CSTPP1: variants seen among roughly 807,000 people sequenced by gnomAD.
CSTPP1 encodes centriolar satellite-associated tubulin polyglutamylase complex regulator 1.
chr11:47,122,069 C>CA, the CSTPP1 span, among the ~76,000 whole-genome samples: 95 of 21,984 alleles, frequency 4.3e-3, 4 homozygotes, highest in African/African-American at 0.015. Flanking sequence ...GACCCTGTCT[C>CA]AAAAAAAAAA....
At chr11:47,161,198 T>G in the CSTPP1 span, 1 of 1,614,142 alleles carries the variant, frequency 6.2e-7, no homozygotes, top group Non-Finnish European at 8.5e-7. Flanking sequence ...GCTGTAAGTG[T>G]CAAGTGGGAG....
chr11:46,981,057 T>C, the CSTPP1 span, among the ~76,000 whole-genome samples: 1 of 152,156 alleles, frequency 6.6e-6, no homozygotes. Context: ...CAATTCCATC[T>C]TGAGGAATCT....
At chr11:47,143,305 G>C in the CSTPP1 span, among the ~76,000 whole-genome samples, 1 of 152,200 alleles carries the variant, frequency 6.6e-6, no homozygotes, top group African/African-American at 2.4e-5. Context: ...GGAGGTGGTA[G>C]AGACTTCAAG....
chr11:46,980,550 A>G, the CSTPP1 span, among the ~76,000 whole-genome samples: 1 of 152,212 alleles, frequency 6.6e-6, no homozygotes, highest in African/African-American at 2.4e-5. Context: ...ACAGACTGGA[A>G]TATAGGATAA....
chr11:47,119,133 C>G, the CSTPP1 span, among the ~76,000 whole-genome samples: 6 of 152,264 alleles, frequency 3.9e-5, no homozygotes, highest in African/African-American at 1.4e-4. Flanking sequence ...TTCCCAGCCG[C>G]TCTGTTTACC....
the CSTPP1 span, chr11:47,052,605 C>G: frequency 6.8e-7 from 1 of 1,466,172 alleles, no homozygotes; most frequent in South Asian, 1.4e-5. Flanking sequence ...TTCTTTCTCT[C>G]TCTCTTTTCC....
chr11:47,035,113 T>A, the CSTPP1 span, among the ~76,000 whole-genome samples: 5 of 152,240 alleles, frequency 3.3e-5, no homozygotes, highest in African/African-American at 1.2e-4. Context: ...TGCAATGTTT[T>A]TATGCCTGCT....
At chr11:46,987,182 C>T in the CSTPP1 span, 1 of 1,605,446 alleles carries the variant, frequency 6.2e-7, no homozygotes, top group Non-Finnish European at 8.5e-7. Context: ...CTCATTTTCT[C>T]TTTCTCTCTT....
chr11:47,122,093 T>TAA, the CSTPP1 span, among the ~76,000 whole-genome samples: 3 of 48,636 alleles, frequency 6.2e-5, no homozygotes, highest in African/African-American at 9.9e-5. Flanking sequence ...AAAAAAAAAA[T>TAA]ATATATATAT....
the CSTPP1 span, among the ~76,000 whole-genome samples, chr11:47,148,760 T>C: frequency 6.6e-6 from 1 of 152,180 alleles, no homozygotes; most frequent in Admixed American, 6.5e-5. Flanking sequence ...ATGCTGACTC[T>C]CCACAAGAAT....
chr11:47,013,860 G>A, the CSTPP1 span, among the ~76,000 whole-genome samples: 2 of 152,188 alleles, frequency 1.3e-5, no homozygotes, highest in African/African-American at 2.4e-5. Flanking sequence ...CACCAACAGT[G>A]TAAAAGTGTT....
the CSTPP1 span, among the ~76,000 whole-genome samples, chr11:47,031,643 G>A: frequency 6.6e-6 from 1 of 151,950 alleles, no homozygotes; most frequent in Non-Finnish European, 1.5e-5. Context: ...GCTACAGTGA[G>A]CTATGATCGT....
At chr11:47,013,934 A>G in the CSTPP1 span, among the ~76,000 whole-genome samples, 1 of 152,190 alleles carries the variant, frequency 6.6e-6, no homozygotes, top group East Asian at 1.9e-4. Flanking sequence ...AGCCAGGTGC[A>G]GTAGCTCACA....
chr11:46,969,031 T>G, the CSTPP1 span, among the ~76,000 whole-genome samples: 1 of 152,208 alleles, frequency 6.6e-6, no homozygotes, highest in African/African-American at 2.4e-5. Context: ...TAGAATCCTC[T>G]AGAACCACTG....
the CSTPP1 span, among the ~76,000 whole-genome samples, chr11:47,127,695 TAA>T: frequency 6.9e-6 from 1 of 145,212 alleles, no homozygotes; most frequent in African/African-American, 2.5e-5. Flanking sequence ...TCTCTTCCTT[TAA>T]AAAAAAAAAG....
chr11:47,097,324 T>TCG, the CSTPP1 span, among the ~76,000 whole-genome samples: 1 of 101,386 alleles, frequency 9.9e-6, no homozygotes, highest in Non-Finnish European at 2.1e-5. Flanking sequence ...GGGAGGGAGG[T>TCG]GGGGGGGTCA....
chr11:46,946,057 G>C, the CSTPP1 span, among the ~76,000 whole-genome samples: 1 of 152,070 alleles, frequency 6.6e-6, no homozygotes, highest in African/African-American at 2.4e-5. Flanking sequence ...TTTAATACAT[G>C]TAATAAATAA....
At chr11:46,953,078 T>C in the CSTPP1 span, among the ~76,000 whole-genome samples, 2 of 151,946 alleles carry the variant, frequency 1.3e-5, no homozygotes, top group Non-Finnish European at 2.9e-5. Flanking sequence ...AGTTTCAAGA[T>C]GGAGGAAGTG....
the CSTPP1 span, chr11:46,987,135 C>T: frequency 2.8e-6 from 4 of 1,444,906 alleles, no homozygotes; most frequent in Non-Finnish European, 3.9e-6. Context: ...ACATGACCTC[C>T]TACTAGGATT....
Sources: gnomAD v4.1 joint callset for allele counts (sites outside exome capture counted in the v4.1 genomes callset) on GRCh38, gnomAD v4.1.1 for gene constraint, MANE v1.5 for transcripts, NCBI Gene and HGNC (gene_info 2026-07-23, HGNC 2026-07-21) for gene names.